ANK2: variants seen among roughly 807,000 people sequenced by gnomAD.
The protein encoded by ANK2 is ankyrin-2.
ANK2 carries 83 observed loss-of-function variants against 360.5 expected under a neutral mutation model. The observed-to-expected ratio is 0.23, with a 90% CI of 0.19 to 0.28. ANK2 has a LOEUF of 0.28. Ranked by LOEUF, ANK2 falls within the 10% of genes least tolerant of loss-of-function variation. The pLI, the probability that ANK2 is intolerant of heterozygous loss-of-function variation, is 1.00. For synonymous variants in ANK2, 1,740 were observed against 1,759.5 expected, an observed-to-expected ratio of 0.99 and a Z score of 0.28; for missense variants, 4,201 against 4,795.7, an observed-to-expected ratio of 0.88 and a Z score of 3.66.
chr4:113,088,834 C>T (rs591933), intron 1 of ANK2, among the ~76,000 whole-genome samples: 2,695 of 152,216 alleles, frequency 0.018, 68 homozygotes, highest in African/African-American at 0.062. Context: ...TGAATTGGAT[C>T]CAGATCTTTC....
chr4:113,317,437 C>A, intron 24 of ANK2: 1 of 464,436 alleles, frequency 2.2e-6, no homozygotes, highest in Non-Finnish European at 4.0e-6. Flanking sequence ...TCAAACATTT[C>A]TGGGAAGAAA....
At position 113,293,522 on chromosome 4, in the gene ANK2, T is replaced by TCACCAC; in HGVS notation, c.2469_2474dup (p.Thr825_Thr826dup). ...ACCCTGAAGGTTGTGACTGAGGAGG[T>TCACCAC]CACCACCACCACCACAGTGAGTATG... On this transcript the variant is annotated inframe_insertion, in exon 22 of 46. Transcript: ENST00000357077. 6.2e-7 allele frequency: 1 copy of TCACCAC among 1,613,174 alleles called. No homozygotes were observed. The highest frequency in any genetic ancestry group is 8.5e-7 in the Non-Finnish European group (1 of 1,179,822).
chr4:113,063,518 A>G (rs1357039424), intron 1 of ANK2, among the ~76,000 whole-genome samples: 7 of 152,148 alleles, frequency 4.6e-5, no homozygotes, highest in Admixed American at 3.9e-4. Context: ...TTATGTGGAC[A>G]CTTTCTCAGT....
chr4:113,364,558 G>A (rs1448027335), intron 40 of ANK2, among the ~76,000 whole-genome samples: 11 of 152,156 alleles, frequency 7.2e-5, no homozygotes, highest in Non-Finnish European at 1.5e-5. Context: ...TTCACTGGTA[G>A]TGCATTACCT....
intron 1 of ANK2, among the ~76,000 whole-genome samples, chr4:112,876,066 T>C (rs552720067): frequency 1.3e-5 from 2 of 152,082 alleles, no homozygotes; most frequent in African/African-American, 4.8e-5. Flanking sequence ...ATTTCGGATT[T>C]TTTTTTTCAA....
intron 1 of ANK2, among the ~76,000 whole-genome samples, chr4:113,111,400 T>A (rs2094287071): frequency 6.6e-6 from 1 of 152,148 alleles, no homozygotes; most frequent in Non-Finnish European, 1.5e-5. Flanking sequence ...ACAACAAATT[T>A]CTTCATGGAT....
rs1302011008 is a variant in ANK2 at position 113,114,577 on chromosome 4, T to C, written c.85-59839T>C. On this transcript the variant is annotated intron_variant, in intron 1 of 45. Coordinates refer to ENST00000357077, the MANE Select transcript of ANK2 (RefSeq NM_001148.6). Reference sequence around the variant, plus strand: ...CCATCCCTAAATTTTTTTTTACTTATTAAGTTGAAGTTTAAAAAATGTGTA... The same window carrying C: ...CCATCCCTAAATTTTTTTTTACTTACTAAGTTGAAGTTTAAAAAATGTGTA... Among the ~76,000 whole-genome samples the C allele has an allele frequency of 3.9e-5, 6 of 152,164 alleles. No homozygotes were observed. The East Asian group carries it at 9.6e-4, about 24-fold the overall frequency.
In ANK2 at chr4:113,121,451, T is replaced by C. The variant is rs574566261; in HGVS notation, c.85-52965T>C. On this transcript the variant is annotated intron_variant, in intron 1 of 45. Transcript: ENST00000357077. ...GCTGAAAGAAATTTAAATACTGTGA[T>C]AGTAAATTAAATGATGAATTTGAGG... Among the ~76,000 whole-genome samples, 5 of 152,334 alleles carry C rather than the reference T, an allele frequency of 3.3e-5. No individual in the cohort carries two copies. In the East Asian group the frequency reaches 9.6e-4, roughly 29 times the overall value.
chr4:112,755,563 G>A, the ANK2 span, among the ~76,000 whole-genome samples: 61 of 152,244 alleles, frequency 4.0e-4, no homozygotes, highest in South Asian at 1.0e-3. Context: ...TCAAGGGTGG[G>A]GAGAATTATA....
At chr4:113,340,018 G>A (rs999771676) in intron 32 of ANK2, among the ~76,000 whole-genome samples, 4 of 152,190 alleles carry the variant, frequency 2.6e-5, no homozygotes, top group African/African-American at 9.6e-5. Flanking sequence ...ACATAAAAGT[G>A]CATGAATAGT....
At chr4:112,868,546 G>T (rs1402160123) in intron 1 of ANK2, among the ~76,000 whole-genome samples, 1 of 152,184 alleles carries the variant, frequency 6.6e-6, no homozygotes, top group Non-Finnish European at 1.5e-5. Context: ...CCTCTTAATG[G>T]TCTCACTTCT....
chr4:113,373,880 G>T (rs1475826966), intron 45 of ANK2, among the ~76,000 whole-genome samples: 1 of 152,164 alleles, frequency 6.6e-6, no homozygotes, highest in East Asian at 1.9e-4. Context: ...TCAGATTTCT[G>T]CATTGCAGAG....
intron 2 of ANK2, among the ~76,000 whole-genome samples, chr4:112,917,912 A>G (rs1182447098): frequency 6.6e-6 from 1 of 152,200 alleles, no homozygotes; most frequent in East Asian, 1.9e-4. Context: ...AGGGGAAACA[A>G]TAATATAATT....
intron 1 of ANK2, among the ~76,000 whole-genome samples, chr4:113,136,353 A>G (rs1327460060): frequency 6.6e-6 from 1 of 152,170 alleles, no homozygotes; most frequent in East Asian, 1.9e-4. Context: ...AGTTATTAAT[A>G]AAAGTCCAGA....
Position 113,255,814 on chromosome 4 carries a change from C to T in ANK2, c.1070C>T (p.Pro357Leu). 2.5e-6 allele frequency: 4 copies of T among 1,614,228 alleles called. No individual in the cohort carries two copies. The highest frequency in any genetic ancestry group is 8.5e-7 in the Non-Finnish European group (1 of 1,180,044). The change falls in exon 11 of 46, where the codon CCT becomes CTT. Residue 357 changes from proline to leucine, a missense_variant. Around this residue, in one of 4 missense-constraint regions of ANK2, gnomAD observed 1,268 missense variants for 1,650.8 expected, o/e 0.77. Coordinates refer to ENST00000357077, the MANE Select transcript of ANK2 (RefSeq NM_001148.6). The part of the protein sequence containing the change: ...CVKHLLQHKA[P>L]VDDVTLDYLT... Reference sequence around the variant, plus strand: ...AAGCACCTGTTACAGCACAAGGCACCTGTTGATGATGTCACCCTAGACTAC... The same window carrying T: ...AAGCACCTGTTACAGCACAAGGCACTTGTTGATGATGTCACCCTAGACTAC...
At chr4:113,239,974 C>T (rs2038837090) in intron 7 of ANK2, among the ~76,000 whole-genome samples, 2 of 152,096 alleles carry the variant, frequency 1.3e-5, no homozygotes, top group South Asian at 2.1e-4. Context: ...TGATGTGGAA[C>T]AAATTCTATA....
the ANK2 span, among the ~76,000 whole-genome samples, chr4:112,753,432 A>T: frequency 6.6e-6 from 1 of 152,226 alleles, no homozygotes; most frequent in African/African-American, 2.4e-5. Flanking sequence ...CTACACACCC[A>T]GGCTACATGG....
At chr4:112,957,064 G>A (rs565426505) in intron 2 of ANK2, among the ~76,000 whole-genome samples, 1 of 147,448 alleles carries the variant, frequency 6.8e-6, no homozygotes, top group South Asian at 2.2e-4. Context: ...TCTCGCAGAG[G>A]GGGATTTGGC....
chr4:113,124,176 A>T (rs1030475374), intron 1 of ANK2, among the ~76,000 whole-genome samples: 3 of 152,200 alleles, frequency 2.0e-5, no homozygotes, highest in Non-Finnish European at 4.4e-5. Flanking sequence ...ATTATGTCTT[A>T]AACACGTTAT....
Sources: gnomAD v4.1 joint callset for allele counts (sites outside exome capture counted in the v4.1 genomes callset) on GRCh38, gnomAD v4.1.1 for gene constraint, gnomAD v4.1.1 regional missense constraint, MANE v1.5 for transcripts, NCBI Gene and HGNC (gene_info 2026-07-23, HGNC 2026-07-21) for gene names.